Variants in GLIS1 observed in about 807,000 individuals in gnomAD.
The protein encoded by GLIS1 is GLIS family zinc finger 1, also known as zinc finger protein GLIS1.
In GLIS1, 24 loss-of-function variants were observed where a neutral mutation model predicts 63.8. The ratio of observed to expected loss-of-function variants is 0.38; its 90% confidence interval spans 0.27 to 0.53. GLIS1 has a LOEUF of 0.53. Among genes scored for constraint, GLIS1 ranks in the 20% least tolerant of loss-of-function variants. The pLI, the probability that GLIS1 is intolerant of heterozygous loss-of-function variation, is 0.85. For missense variants in GLIS1, 1,036 were observed against 1,074.1 expected (o/e 0.96, Z 0.50); for synonymous variants, 450 against 482.5 (o/e 0.93, Z 0.88).
In GLIS1 at chr1:53,615,756, A is replaced by T. The variant is rs200640471; in HGVS notation, c.260-15478T>A. 1.6e-4 allele frequency among the ~76,000 whole-genome samples: 5 copies of T among 31,920 alleles called. No homozygotes were observed. The Admixed American group carries it at 1.7e-3, about 11-fold the overall frequency. 20.9% of individuals were successfully genotyped at this position (31,920 alleles called of 152,430 possible). A position where few individuals can be genotyped will look rare whatever the true frequency, so the allele number is the denominator to read the frequency against. ...TTATTCATTTATTTATTTTATTTTT[A>T]TTTTTTTTGGAGACAGAGTCTTGCT... On this transcript the variant is annotated intron_variant, in intron 2 of 10. Coordinates refer to ENST00000628545, the MANE Select transcript of GLIS1 (RefSeq NM_001367484.1).
chr1:53,709,405 T>TACATATAC lies in GLIS1; in HGVS notation c.259+28400_259+28401insGTATATGT, dbSNP rs780900347. On this transcript the variant is annotated intron_variant, in intron 2 of 10. Transcript: ENST00000628545. ...ATATACATATATATACATATACATA[T>TACATATAC]ATATATACACACACACACACACACA... Among the ~76,000 whole-genome samples the TACATATAC allele has an allele frequency of 2.6e-5, 3 of 117,184 alleles. No individual in the cohort carries two copies. The East Asian group carries it at 6.9e-4, about 27-fold the overall frequency. The allele number at this position is 117,184 out of a possible 152,430, so 76.9% of individuals were successfully genotyped here. A position where few individuals can be genotyped will look rare whatever the true frequency, so the allele number is the denominator to read the frequency against.
intron 4 of GLIS1, among the ~76,000 whole-genome samples, chr1:53,547,692 G>A (rs146052240): frequency 2.0e-5 from 3 of 152,312 alleles, no homozygotes; most frequent in Non-Finnish European, 2.9e-5. Flanking sequence ...TGGTATGGCC[G>A]TACATTCTGG....
chr1:53,562,576 G>A (rs998023208), intron 4 of GLIS1, among the ~76,000 whole-genome samples: 1 of 152,104 alleles, frequency 6.6e-6, no homozygotes, highest in Non-Finnish European at 1.5e-5. Flanking sequence ...CCTCTCAGCT[G>A]AGTCCCAGCC....
chr1:53,602,493 GA>G (rs755320739), intron 2 of GLIS1, among the ~76,000 whole-genome samples: 67 of 152,162 alleles, frequency 4.4e-4, no homozygotes, highest in Non-Finnish European at 5.7e-4. Flanking sequence ...TTCCTTCCAG[GA>G]CTCACCAGGC....
At chr1:53,680,500 C>T (rs1646263845) in intron 2 of GLIS1, among the ~76,000 whole-genome samples, 1 of 152,204 alleles carries the variant, frequency 6.6e-6, no homozygotes, top group Admixed American at 6.5e-5. Context: ...GAGCCTCTTC[C>T]TCCTCTTGCA....
chr1:53,738,546 C>T (rs146580691), intron 1 of GLIS1, among the ~76,000 whole-genome samples: 1 of 152,036 alleles, frequency 6.6e-6, no homozygotes, highest in South Asian at 2.1e-4. Flanking sequence ...TCACGGGCTG[C>T]GCGCTTCGTC....
chr1:53,636,758 C>T lies in GLIS1; in HGVS notation c.260-36480G>A, dbSNP rs979664036. On this transcript the variant is annotated intron_variant, in intron 2 of 10. Transcript: ENST00000628545. ...GCTCCCTCACTCAGTCACTCGGCGA[C>T]GCCTACTGGGCCTTCTGGGAGCCCA... 2.6e-5 allele frequency among the ~76,000 whole-genome samples: 4 copies of T among 152,216 alleles called. 1 individual carries two copies. Among genetic ancestry groups the T allele is most frequent in the African/African-American group, 9.6e-5 (4 of 41,464 alleles).
At chr1:53,713,183 G>C (rs529898753) in intron 2 of GLIS1, among the ~76,000 whole-genome samples, 272 of 150,138 alleles carry the variant, frequency 1.8e-3, no homozygotes, top group African/African-American at 6.5e-3. Context: ...GGGCAACATG[G>C]TGAGACCTCA....
chr1:53,570,284 A>T (rs1442056025), intron 4 of GLIS1, among the ~76,000 whole-genome samples: 3 of 72,634 alleles, frequency 4.1e-5, no homozygotes, highest in Non-Finnish European at 7.4e-5. Flanking sequence ...TGGCTAATTT[A>T]AAAAAAAAAA....
intron 9 of GLIS1, 96 bp downstream of exon 9, chr1:53,509,753 C>T: frequency 1.4e-6 from 1 of 739,688 alleles, no homozygotes; most frequent in Non-Finnish European, 1.9e-6. Flanking sequence ...CTCTGAGTAC[C>T]TGCCTCCCCC....
chr1:53,601,423 C>T (rs1569898307), intron 2 of GLIS1, among the ~76,000 whole-genome samples: 1 of 152,308 alleles, frequency 6.6e-6, no homozygotes, highest in Non-Finnish European at 1.5e-5. Context: ...CCAAGTATGG[C>T]CAACCCTGAG....
chr1:53,516,280 G>A (rs1311927514), intron 7 of GLIS1, among the ~76,000 whole-genome samples: 1 of 152,158 alleles, frequency 6.6e-6, no homozygotes, highest in Non-Finnish European at 1.5e-5. Flanking sequence ...TGGGGTAAGG[G>A]AAACTTTTAC....
chr1:53,690,767 A>G (rs1451872168), intron 2 of GLIS1, among the ~76,000 whole-genome samples: 1 of 152,226 alleles, frequency 6.6e-6, no homozygotes, highest in African/African-American at 2.4e-5. Flanking sequence ...AGGGGTTGGC[A>G]TCACTGGAAA....
At position 53,735,565 on chromosome 1, in the gene GLIS1, T is replaced by C. The variant is rs1430852509; in HGVS notation, c.259+2241A>G. On this transcript the variant is annotated intron_variant, in intron 2 of 10. Transcript: ENST00000628545. ...CTTGCGAATTAAGTCTCAGGGTAAA[T>C]TTACAAACGAAGGAACCAAAGGCTC... 2.0e-5 allele frequency among the ~76,000 whole-genome samples: 3 copies of C among 152,292 alleles called. No homozygotes were observed. The East Asian group carries it at 5.8e-4, about 29-fold the overall frequency.
chr1:53,709,734 C>T (rs1319445994), intron 2 of GLIS1, among the ~76,000 whole-genome samples: 2 of 152,154 alleles, frequency 1.3e-5, no homozygotes, highest in Non-Finnish European at 2.9e-5. Context: ...AGGCAGTTCC[C>T]ATTCATCTCT....
At chr1:53,678,453 T>TA (rs551384607) in intron 2 of GLIS1, among the ~76,000 whole-genome samples, 43 of 148,868 alleles carry the variant, frequency 2.9e-4, no homozygotes, top group South Asian at 6.4e-4. Flanking sequence ...CTGGCATCAT[T>TA]AAAAAAAAAC....
At chr1:53,659,419 T>A (rs957321529) in intron 2 of GLIS1, among the ~76,000 whole-genome samples, 1 of 152,114 alleles carries the variant, frequency 6.6e-6, no homozygotes, top group African/African-American at 2.4e-5. Context: ...CCTCTTAGAT[T>A]AGAGAATGTC....
At chr1:53,552,477 T>C (rs1389857958) in intron 4 of GLIS1, among the ~76,000 whole-genome samples, 2 of 152,348 alleles carry the variant, frequency 1.3e-5, no homozygotes, top group Non-Finnish European at 1.5e-5. Flanking sequence ...GAAAATACTT[T>C]TAAGCCAACC....
At chr1:53,605,828 C>T (rs1400564575) in intron 2 of GLIS1, among the ~76,000 whole-genome samples, 2 of 152,208 alleles carry the variant, frequency 1.3e-5, no homozygotes, top group East Asian at 3.9e-4. Flanking sequence ...CCTCTCATTC[C>T]CTCATTCCCA....
Sources: gnomAD v4.1 joint callset for allele counts (sites outside exome capture counted in the v4.1 genomes callset) on GRCh38, gnomAD v4.1.1 for gene constraint, MANE v1.5 for transcripts, NCBI Gene and HGNC (gene_info 2026-07-23, HGNC 2026-07-21) for gene names.